Variants in MTTP observed in about 807,000 individuals in gnomAD.
MTTP encodes microsomal triglyceride transfer protein, also known as microsomal triglyceride transfer protein large subunit.
MTTP carries 49 observed loss-of-function variants against 90.6 expected under a neutral mutation model. That is an observed-to-expected ratio of 0.54 (90% CI 0.43 to 0.69). The LOEUF (loss-of-function observed/expected upper bound fraction) is 0.69, where lower values mean the gene tolerates loss of function less well. Among genes scored for constraint, MTTP ranks in the 30% least tolerant of loss-of-function variants. The pLI is 0.00. For synonymous variants in MTTP, 347 were observed against 384.2 expected (o/e 0.90, Z 1.13); for missense variants, 945 against 1,067.5 (o/e 0.89, Z 1.60).
chr4:99,585,070 G>A (rs375068798), intron 3 of MTTP, among the ~76,000 whole-genome samples: 1 of 152,122 alleles, frequency 6.6e-6, no homozygotes, highest in South Asian at 2.1e-4. Context: ...CTTGCTCATA[G>A]GGGATACTGA....
At chr4:99,617,226 T>C (rs1726118511) in intron 15 of MTTP, among the ~76,000 whole-genome samples, 1 of 152,206 alleles carries the variant, frequency 6.6e-6, no homozygotes, top group Non-Finnish European at 1.5e-5. Flanking sequence ...CATGCAGCCA[T>C]ATTTTGTCCT....
chr4:99,603,880 G>C (rs958378166), intron 10 of MTTP, among the ~76,000 whole-genome samples: 4 of 152,092 alleles, frequency 2.6e-5, no homozygotes, highest in African/African-American at 9.7e-5. Context: ...CAGAACAAAG[G>C]ATCAAATTTA....
At chr4:99,600,878 C>A in intron 9 of MTTP, 145 bp downstream of exon 9, 1 of 789,152 alleles carries the variant, frequency 1.3e-6, no homozygotes, top group Non-Finnish European at 2.0e-6. Flanking sequence ...TATTTTCTAT[C>A]CACTAATTAT....
intron 1 of MTTP, among the ~76,000 whole-genome samples, chr4:99,567,869 T>C (rs1724740953): frequency 6.6e-6 from 1 of 151,966 alleles, no homozygotes; most frequent in African/African-American, 2.4e-5. Flanking sequence ...TACCCAATCC[T>C]CCCTCTTAAA....
At position 99,606,996 on chromosome 4, in the gene MTTP, A is replaced by AC. The variant is rs1279454785; in HGVS notation, c.1557+36_1557+37insC. On this transcript the variant is annotated intron_variant, in intron 11 of 17. Transcript: ENST00000265517. The stretch of plus-strand genomic sequence containing the variant: ...CAAGAATATTTGCAACATTTACAGA[A>AC]GAAAAAAAAAAAGCATGCTGAACAT... 5.8e-6 allele frequency: 9 copies of AC among 1,552,900 alleles called. No individual in the cohort carries two copies. The African/African-American group carries it at 1.2e-4, about 21-fold the overall frequency.
intron 14 of MTTP, among the ~76,000 whole-genome samples, chr4:99,612,238 T>A (rs1032507114): frequency 6.6e-6 from 1 of 152,266 alleles, no homozygotes; most frequent in African/African-American, 2.4e-5. Context: ...CACAATCTGT[T>A]TTCTGATATG....
At chr4:99,599,822 T>C (rs1725651815) in intron 8 of MTTP, among the ~76,000 whole-genome samples, 1 of 152,174 alleles carries the variant, frequency 6.6e-6, no homozygotes, top group Admixed American at 6.5e-5. Context: ...TTTAAAAGTA[T>C]AAACTACTAA....
intron 6 of MTTP, among the ~76,000 whole-genome samples, chr4:99,593,374 G>T (rs1006307042): frequency 6.6e-6 from 1 of 151,654 alleles, no homozygotes; most frequent in Non-Finnish European, 1.5e-5. Context: ...GGTAGCATTT[G>T]TAATTTTTAA....
chr4:99,615,920 C>T lies in MTTP; in HGVS notation c.2217+2780C>T, dbSNP rs922911781. 2.0e-5 allele frequency among the ~76,000 whole-genome samples: 3 copies of T among 152,182 alleles called. No homozygotes were observed. In the South Asian group the frequency reaches 6.2e-4, roughly 31 times the overall value. On this transcript the variant is annotated intron_variant, in intron 15 of 17. Coordinates refer to ENST00000265517, the MANE Select transcript of MTTP (RefSeq NM_001386140.1). ...GCTACAAAGTTCTAATAACTTTTTC[C>T]TCTAGTTCATAGGAAAGAATCTAAA... is the stretch of plus-strand genomic sequence containing the variant.
At chr4:99,616,104 T>C (rs1726093168) in intron 15 of MTTP, among the ~76,000 whole-genome samples, 1 of 152,128 alleles carries the variant, frequency 6.6e-6, no homozygotes, top group Admixed American at 6.5e-5. Flanking sequence ...TAGAAAAGTC[T>C]TCACCCAGGC....
At chr4:99,599,055 AGAGGCAG>A (rs1725634012) in intron 8 of MTTP, among the ~76,000 whole-genome samples, 1 of 152,174 alleles carries the variant, frequency 6.6e-6, no homozygotes, top group Non-Finnish European at 1.5e-5. Flanking sequence ...TAGGCTAGTG[AGAGGCAG>A]GGTGGTGGAA....
intron 10 of MTTP, among the ~76,000 whole-genome samples, chr4:99,602,852 G>T (rs2110226128): frequency 6.6e-6 from 1 of 152,030 alleles, no homozygotes; most frequent in East Asian, 1.9e-4. Context: ...CTCTGTACTA[G>T]GCATGATGCT....
In MTTP at chr4:99,591,291, C is replaced by G. The variant is rs375982037; in HGVS notation, c.558C>G (p.Ile186Met). 9.9e-6 allele frequency: 16 copies of G among 1,613,842 alleles called. No individual in the cohort carries two copies. The African/African-American group carries it at 2.1e-4, about 22-fold the overall frequency. Reference protein sequence around the residue: ...VTYQAHQDKVIKIKALDSCKI... With the variant: ...VTYQAHQDKVMKIKALDSCKI... ...ACCAGGCTCATCAAGACAAAGTGATCAAAATTAAGGCCTTGGATTCATGCA... is the reference window on the plus strand; with the variant it reads ...ACCAGGCTCATCAAGACAAAGTGATGAAAATTAAGGCCTTGGATTCATGCA... Residue 186 changes from isoleucine (I) to methionine (M), a missense_variant, in exon 5 of 18, where the codon ATC (isoleucine) becomes ATG (methionine). Coordinates refer to ENST00000265517, the MANE Select transcript of MTTP (RefSeq NM_001386140.1).
chr4:99,604,063 A>C (rs1309412037), intron 10 of MTTP, among the ~76,000 whole-genome samples: 5 of 152,160 alleles, frequency 3.3e-5, no homozygotes, highest in African/African-American at 1.2e-4. Flanking sequence ...TTACTACAGA[A>C]GAACTGTAGT....
rs1180845519 is a variant in MTTP, at chr4:99,589,747, T to C, written c.498T>C (p.Asn166=). ...FQTQLSSGTT[N]EVDISGNCKV... is the part of the protein sequence containing the mutation. The stretch of plus-strand genomic sequence containing the variant: ...CACAGTTAAGCTCTGGAACCACCAA[T>C]GAGGTACTTACCAATATTAATAAGG... The change falls in exon 4 of 18, where the codon AAT becomes AAC. Residue 166 remains asparagine, a synonymous_variant. Transcript: ENST00000265517. The C allele has an allele frequency of 3.2e-6, 5 of 1,545,016 alleles. No homozygotes were observed. In the East Asian group the frequency reaches 1.1e-4, roughly 35 times the overall value.
At chr4:99,588,370 T>C (rs915954364) in intron 3 of MTTP, among the ~76,000 whole-genome samples, 1 of 152,156 alleles carries the variant, frequency 6.6e-6, no homozygotes, top group Non-Finnish European at 1.5e-5. Context: ...CCTCTATTTC[T>C]AAATTGTGTG....
At position 99,582,099 on chromosome 4, in the gene MTTP, A is replaced by AT; in HGVS notation, c.249+11dup. The stretch of plus-strand genomic sequence containing the variant: ...CCAGTTGATCCAAATAACGGTGGGC[A>AT]TTTTCTACCAGATAAATGCAAAGAT... On this transcript the variant is annotated splice_region_variant and intron_variant, in intron 2 of 17. Transcript: ENST00000265517. The AT allele has an allele frequency of 6.2e-7, 1 of 1,614,014 alleles. No homozygotes were observed. The highest frequency in any genetic ancestry group is 8.5e-7 in the Non-Finnish European group (1 of 1,179,892).
intron 1 of MTTP, among the ~76,000 whole-genome samples, chr4:99,569,703 T>A (rs1222328582): frequency 6.6e-6 from 1 of 151,990 alleles, no homozygotes; most frequent in African/African-American, 2.4e-5. Context: ...TCAGTGAATA[T>A]TGTTCTAATC....
chr4:99,570,667 C>T (rs772644989), upstream of MTTP: 4 of 455,156 alleles, frequency 8.8e-6, no homozygotes, highest in South Asian at 6.2e-5. Flanking sequence ...ATCCACAGAC[C>T]TCAGGGTAAA....
Sources: allele counts gnomAD v4.1 joint callset (sites outside exome capture counted in the v4.1 genomes callset), GRCh38; gene constraint gnomAD v4.1.1; transcripts MANE v1.5; gene names NCBI Gene and HGNC (gene_info 2026-07-23, HGNC 2026-07-21).